TP63: variants seen among roughly 807,000 people sequenced by gnomAD.
TP63 encodes tumor protein p63.
In TP63, 17 loss-of-function variants were observed where a neutral mutation model predicts 82.8. The observed-to-expected ratio is 0.21, with a 90% CI of 0.14 to 0.31. TP63 has a LOEUF of 0.31. Among genes scored for constraint, TP63 ranks in the 10% least tolerant of loss-of-function variants. The pLI is 1.00. For missense variants in TP63, 648 were observed against 895.3 expected, an observed-to-expected ratio of 0.72 and a Z score of 3.52; for synonymous variants, 330 against 321.7, an observed-to-expected ratio of 1.03 and a Z score of -0.28.
intron 10 of TP63, chr3:189,880,685 A>G (rs1177160376): frequency 3.0e-6 from 3 of 985,354 alleles, no homozygotes; most frequent in Non-Finnish European, 3.6e-6. Context: ...AATGCTGGTC[A>G]TGTAATAATA....
At chr3:189,607,048 G>A in the TP63 span, among the ~76,000 whole-genome samples, 1 of 152,156 alleles carries the variant, frequency 6.6e-6, no homozygotes, top group Non-Finnish European at 1.5e-5. Context: ...AGAAATGACT[G>A]TGACCTAGAA....
At chr3:189,803,088 C>G (rs570195663) in intron 3 of TP63, among the ~76,000 whole-genome samples, 2 of 152,066 alleles carry the variant, frequency 1.3e-5, no homozygotes, top group Non-Finnish European at 2.9e-5. Flanking sequence ...CACCTGAGGT[C>G]GGGAGTTTGA....
intron 4 of TP63, among the ~76,000 whole-genome samples, chr3:189,860,594 T>C (rs2108787119): frequency 6.6e-6 from 1 of 152,348 alleles, no homozygotes; most frequent in African/African-American, 2.4e-5. Context: ...GTTGCTGAAT[T>C]GCAGGACTGG....
chr3:189,654,425 G>A (rs1411111703), intron 1 of TP63, among the ~76,000 whole-genome samples: 1 of 152,012 alleles, frequency 6.6e-6, no homozygotes, highest in Non-Finnish European at 1.5e-5. Flanking sequence ...TTTGTTTACT[G>A]GCTTTGATAT....
intron 4 of TP63, among the ~76,000 whole-genome samples, chr3:189,814,103 G>A (rs189905812): frequency 6.6e-5 from 10 of 152,162 alleles, no homozygotes; most frequent in Non-Finnish European, 1.0e-4. Context: ...CTTTGGCTCC[G>A]CAGGCAGGCT....
At chr3:189,606,859 T>C in the TP63 span, among the ~76,000 whole-genome samples, 1 of 151,950 alleles carries the variant, frequency 6.6e-6, no homozygotes, top group Non-Finnish European at 1.5e-5. Context: ...ATCTCCTTCA[T>C]TGGGAGGGCT....
intron 1 of TP63, among the ~76,000 whole-genome samples, chr3:189,726,363 A>G (rs1719778775): frequency 6.6e-6 from 1 of 152,184 alleles, no homozygotes; most frequent in Admixed American, 6.5e-5. Flanking sequence ...ATCGAACCAT[A>G]TGAACTTGGT....
At chr3:189,825,900 A>G (rs1238271342) in intron 4 of TP63, among the ~76,000 whole-genome samples, 1 of 152,154 alleles carries the variant, frequency 6.6e-6, no homozygotes, top group Non-Finnish European at 1.5e-5. Context: ...AGTTTACAAG[A>G]AAGATTGCTC....
chr3:189,656,301 G>A (rs1273690615), intron 1 of TP63, among the ~76,000 whole-genome samples: 1 of 152,074 alleles, frequency 6.6e-6, no homozygotes, highest in Non-Finnish European at 1.5e-5. Context: ...GACAGACTTA[G>A]ATTAGTTAAA....
At chr3:189,711,527 G>A (rs1017144135) in intron 1 of TP63, among the ~76,000 whole-genome samples, 3 of 152,136 alleles carry the variant, frequency 2.0e-5, no homozygotes, top group South Asian at 4.1e-4. Flanking sequence ...TTTACCTGGA[G>A]GATTGGAGAC....
intron 4 of TP63, among the ~76,000 whole-genome samples, chr3:189,817,233 TGAG>T (rs990277474): frequency 6.6e-5 from 10 of 152,142 alleles, no homozygotes; most frequent in African/African-American, 2.4e-4. Context: ...ATGAATAAGT[TGAG>T]GAGACTATTT....
chr3:189,860,016 T>A (rs1219425601), intron 4 of TP63, among the ~76,000 whole-genome samples: 3 of 152,172 alleles, frequency 2.0e-5, no homozygotes, highest in African/African-American at 7.2e-5. Context: ...GGAACAGGAA[T>A]GGAAATATTC....
chr3:189,753,512 CCTTTTA>C (rs1417744439), intron 3 of TP63, among the ~76,000 whole-genome samples: 2 of 151,860 alleles, frequency 1.3e-5, no homozygotes, highest in African/African-American at 4.8e-5. Context: ...AATTTTTTCT[CCTTTTA>C]CTTTTAACCT....
chr3:189,781,039 G>C (rs17505775), intron 3 of TP63, among the ~76,000 whole-genome samples: 2 of 152,018 alleles, frequency 1.3e-5, no homozygotes, highest in African/African-American at 2.4e-5. Context: ...ATCCGAGAAC[G>C]TCAGGCCCAG....
chr3:189,606,550 G>A, the TP63 span, among the ~76,000 whole-genome samples: 2 of 110,122 alleles, frequency 1.8e-5, no homozygotes, highest in African/African-American at 3.6e-5. Context: ...GTCTTGCTCT[G>A]TCACCTAGGC....
intron 3 of TP63, among the ~76,000 whole-genome samples, chr3:189,770,041 G>T (rs1723219560): frequency 6.6e-6 from 1 of 152,128 alleles, no homozygotes; most frequent in Non-Finnish European, 1.5e-5. Context: ...ATATTATAAA[G>T]CCTGGCACCT....
intron 1 of TP63, among the ~76,000 whole-genome samples, chr3:189,688,602 T>G (rs927458724): frequency 2.0e-5 from 3 of 152,192 alleles, no homozygotes; most frequent in Admixed American, 1.3e-4. Flanking sequence ...CTAGTAAAGA[T>G]GTGGCTACTG....
intron 1 of TP63, among the ~76,000 whole-genome samples, chr3:189,684,078 A>G (rs1450342625): frequency 1.3e-5 from 2 of 152,214 alleles, no homozygotes; most frequent in African/African-American, 2.4e-5. Flanking sequence ...GAGAAAACCC[A>G]CAGCATGATG....
chr3:189,681,814 C>T (rs572781077), intron 1 of TP63, among the ~76,000 whole-genome samples: 3 of 152,214 alleles, frequency 2.0e-5, no homozygotes, highest in South Asian at 2.1e-4. Flanking sequence ...TGACTCTCCT[C>T]ATCAAGAAAT....
Sources: allele counts gnomAD v4.1 joint callset (sites outside exome capture counted in the v4.1 genomes callset), GRCh38; gene constraint gnomAD v4.1.1; transcripts MANE v1.5; gene names NCBI Gene and HGNC (gene_info 2026-07-23, HGNC 2026-07-21).